The following MARCHF1 variants were observed in gnomAD, a reference collection of about 807,000 sequenced individuals.
MARCHF1 encodes the protein E3 ubiquitin-protein ligase MARCHF1.
MARCHF1 carries 40 observed loss-of-function variants against 54.2 expected under a neutral mutation model. The ratio of observed to expected loss-of-function variants is 0.74; its 90% CI spans 0.57 to 0.96. MARCHF1 has a LOEUF of 0.96. Ranked by LOEUF, MARCHF1 falls within the 40% of genes least tolerant of loss-of-function variation. The probability of loss-of-function intolerance (pLI) is 0.00; values close to 1 mark genes in which losing one functional copy is unlikely to be tolerated. For synonymous variants in MARCHF1, 236 were observed against 236.3 expected (o/e 1.00, Z 0.01); for missense variants, 586 against 656.5 (o/e 0.89, Z 1.17).
chr4:164,320,899 G>T (rs927413379), intron 1 of MARCHF1, among the ~76,000 whole-genome samples: 2 of 152,170 alleles, frequency 1.3e-5, no homozygotes, highest in African/African-American at 4.8e-5. Context: ...TCTTTCCCAA[G>T]TCAAAGGCCA....
intron 2 of MARCHF1, among the ~76,000 whole-genome samples, chr4:164,002,036 A>G (rs1753195455): frequency 6.6e-6 from 1 of 151,804 alleles, no homozygotes. Flanking sequence ...ATTATCTTCT[A>G]GACCCTCCCT....
Position 163,725,343 on chromosome 4 carries a change from T to C in MARCHF1, c.112-24480A>G, listed in dbSNP as rs563119643. ...ATACAAAAAAGTTAAGTGGGTATGG[T>C]GGCATGCACCTGTAATCCCAGCTAC... On this transcript the variant is annotated intron_variant, in intron 4 of 9. Transcript: ENST00000514618. 1.4e-4 allele frequency among the ~76,000 whole-genome samples: 22 copies of C among 152,142 alleles called. No individual in the cohort carries two copies. The South Asian group carries it at 4.6e-3, about 32-fold the overall frequency.
intron 1 of MARCHF1, among the ~76,000 whole-genome samples, chr4:164,138,222 T>A (rs1287598737): frequency 6.6e-6 from 1 of 151,704 alleles, no homozygotes; most frequent in Non-Finnish European, 1.5e-5. Context: ...TTACCTAGGT[T>A]TTTTTTTTCT....
intron 1 of MARCHF1, among the ~76,000 whole-genome samples, chr4:164,243,327 C>T (rs1389217358): frequency 3.5e-5 from 5 of 143,614 alleles, no homozygotes; most frequent in Admixed American, 1.4e-4. Flanking sequence ...CAATATTCAA[C>T]ATTCTTAAAG....
In MARCHF1 at chr4:163,896,552, C is replaced by T. The variant is rs145089910; in HGVS notation, c.-38-42383G>A. Among the ~76,000 whole-genome samples, 404 of 152,198 alleles carry T rather than the reference C, an allele frequency of 2.7e-3. 4 individuals are homozygous for T. The highest frequency in any genetic ancestry group is 8.7e-3 in the African/African-American group (360 of 41,516). ...TGGTTTTTCTCCAATTGTCCCTCTA[C>T]GACACTTCTTCTTTTCGAATGCTTA... On this transcript the variant is annotated intron_variant, in intron 3 of 9. Coordinates refer to ENST00000514618, the MANE Select transcript of MARCHF1 (RefSeq NM_001394959.1).
intron 9 of MARCHF1, among the ~76,000 whole-genome samples, chr4:163,539,686 T>C (rs530891695): frequency 5.9e-5 from 9 of 152,212 alleles, no homozygotes; most frequent in Admixed American, 1.3e-4. Flanking sequence ...CGTTTAGTCA[T>C]AGTGTGTTTC....
At chr4:164,185,808 A>AG in intron 1 of MARCHF1, among the ~76,000 whole-genome samples, 1 of 42,020 alleles carries the variant, frequency 2.4e-5, no homozygotes, top group Non-Finnish European at 7.6e-5. Context: ...ACACACACAC[A>AG]CAAAAAAAAA....
intron 4 of MARCHF1, among the ~76,000 whole-genome samples, chr4:163,824,369 G>C (rs1017775140): frequency 3.3e-5 from 5 of 150,752 alleles, no homozygotes; most frequent in African/African-American, 7.3e-5. Flanking sequence ...TGACAAACCT[G>C]AGAAAAACAA....
At chr4:163,743,004 C>T (rs1350376754) in intron 4 of MARCHF1, among the ~76,000 whole-genome samples, 2 of 152,144 alleles carry the variant, frequency 1.3e-5, no homozygotes, top group African/African-American at 2.4e-5. Context: ...TTTCAATAGT[C>T]GAACTATTGC....
intron 3 of MARCHF1, among the ~76,000 whole-genome samples, chr4:163,943,064 T>A (rs1751948391): frequency 6.6e-6 from 1 of 152,230 alleles, no homozygotes; most frequent in Non-Finnish European, 1.5e-5. Flanking sequence ...GTAAATTGGT[T>A]TAAGTTCCTT....
chr4:163,815,874 A>G (rs1020400030), intron 4 of MARCHF1, among the ~76,000 whole-genome samples: 4 of 152,200 alleles, frequency 2.6e-5, no homozygotes, highest in African/African-American at 9.7e-5. Context: ...CAACCAAATG[A>G]ACATAAAAAT....
At chr4:164,379,969 C>A (rs1362436858) in intron 1 of MARCHF1, among the ~76,000 whole-genome samples, 1 of 147,636 alleles carries the variant, frequency 6.8e-6, no homozygotes. Flanking sequence ...ATAAAAATAA[C>A]AACATGTTGA....
chr4:164,336,964 G>C (rs1158299879), intron 1 of MARCHF1, among the ~76,000 whole-genome samples: 1 of 151,978 alleles, frequency 6.6e-6, no homozygotes, highest in Admixed American at 6.6e-5. Context: ...TATCTAAAAG[G>C]AAGGAAAGAA....
chr4:163,630,836 GT>G (rs1305225653), intron 5 of MARCHF1, among the ~76,000 whole-genome samples: 2 of 151,822 alleles, frequency 1.3e-5, no homozygotes, highest in African/African-American at 4.8e-5. Context: ...AAAATTGGTA[GT>G]GCAGAAAAAG....
At chr4:163,637,021 G>A (rs1298437801) in intron 5 of MARCHF1, among the ~76,000 whole-genome samples, 2 of 151,554 alleles carry the variant, frequency 1.3e-5, no homozygotes, top group South Asian at 4.2e-4. Flanking sequence ...AATCAATGGT[G>A]CTGGGAAAAC....
chr4:163,843,768 C>T (rs1345510435), intron 4 of MARCHF1, among the ~76,000 whole-genome samples: 1 of 151,844 alleles, frequency 6.6e-6, no homozygotes, highest in Non-Finnish European at 1.5e-5. Context: ...TCAGCCCCTA[C>T]TTATAAGTGA....
At chr4:164,351,701 C>A (rs911946980) in intron 1 of MARCHF1, among the ~76,000 whole-genome samples, 2 of 151,826 alleles carry the variant, frequency 1.3e-5, no homozygotes, top group African/African-American at 4.8e-5. Flanking sequence ...AAAAGCAGAG[C>A]GCCTCTCCGC....
At chr4:163,863,002 C>G (rs1749973890) in intron 3 of MARCHF1, among the ~76,000 whole-genome samples, 1 of 151,936 alleles carries the variant, frequency 6.6e-6, no homozygotes, top group Non-Finnish European at 1.5e-5. Flanking sequence ...ATATAGCATT[C>G]TAGAAAAGAT....
At chr4:163,959,493 A>C (rs1267900248) in intron 3 of MARCHF1, among the ~76,000 whole-genome samples, 1 of 151,940 alleles carries the variant, frequency 6.6e-6, no homozygotes, top group African/African-American at 2.4e-5. Context: ...CACAATAGAG[A>C]GCCCAGGAAT....
Sources: gnomAD v4.1 joint callset for allele counts (sites outside exome capture counted in the v4.1 genomes callset) on GRCh38, gnomAD v4.1.1 for gene constraint, MANE v1.5 for transcripts, NCBI Gene and HGNC (gene_info 2026-07-23, HGNC 2026-07-21) for gene names.